NOA1: variants seen among roughly 807,000 people sequenced by gnomAD.
NOA1 encodes the protein nitric oxide-associated protein 1.
Under a neutral mutation model 58.4 loss-of-function variants are expected in NOA1, and 35 were observed. That is an observed-to-expected ratio of 0.60 (90% CI 0.46 to 0.79). The LOEUF (loss-of-function observed/expected upper bound fraction) is 0.79. Among genes scored for constraint, NOA1 ranks in the 30% least tolerant of loss-of-function variants. The probability of loss-of-function intolerance (pLI) is 0.00; values close to 1 mark genes in which losing one functional copy is unlikely to be tolerated. For synonymous variants in NOA1, 397 were observed against 373.4 expected, an observed-to-expected ratio of 1.06 and a Z score of -0.73; for missense variants, 895 against 894.6, an observed-to-expected ratio of 1.00 and a Z score of -0.01.
At chr4:56,974,755 C>A (rs1417618019) in intron 1 of NOA1, among the ~76,000 whole-genome samples, 1 of 151,966 alleles carries the variant, frequency 6.6e-6, no homozygotes, top group South Asian at 2.1e-4. Context: ...CTCTGTTGCC[C>A]AGGCTGGAGT....
intron 4 of NOA1, among the ~76,000 whole-genome samples, chr4:56,968,131 G>A (rs376038599): frequency 7.9e-5 from 12 of 151,948 alleles, no homozygotes; most frequent in South Asian, 2.1e-4. Context: ...TTGACCAGGC[G>A]GGTCTTGATC....
intron 4 of NOA1, among the ~76,000 whole-genome samples, chr4:56,967,097 G>A (rs1441741163): frequency 3.3e-5 from 5 of 152,044 alleles, no homozygotes; most frequent in Non-Finnish European, 7.4e-5. Context: ...ATATAAGGGT[G>A]CAAGCCTGGT....
intron 3 of NOA1, among the ~76,000 whole-genome samples, chr4:56,969,111 T>G (rs936308512): frequency 2.6e-5 from 4 of 152,242 alleles, no homozygotes; most frequent in African/African-American, 9.6e-5. Context: ...AATTTATCCC[T>G]ATGATTTATA....
Position 56,973,803 on chromosome 4 carries a change from T to C in NOA1, c.1309+55A>G. ...TCGGACAGCTGTATTTCAGGTTGCT[T>C]AACAAAGAATTTTAGCATAGTACCA... On this transcript the variant is annotated intron_variant, in intron 2 of 6. Coordinates refer to ENST00000264230, the MANE Select transcript of NOA1 (RefSeq NM_032313.4). The C allele has an allele frequency of 1.9e-6, 3 of 1,565,808 alleles. No homozygotes were observed. The South Asian group carries it at 3.5e-5, about 18-fold the overall frequency.
Position 56,963,467 on chromosome 4 carries a change from C to T in NOA1, c.2080G>A (p.Gly694Arg), listed in dbSNP as rs1485683694. 1.9e-6 allele frequency: 3 copies of T among 1,613,870 alleles called. No individual in the cohort carries two copies. Among genetic ancestry groups the T allele is most frequent in the Admixed American group, 1.7e-5 (1 of 59,996 alleles). Reference protein sequence around the residue: ...SLMYNVRKKKGKINV With the variant: ...SLMYNVRKKKRKINV ...GGTCGGTCTCATACATTTATCTTTC[C>T]TTTCTTCTTCCTCACGTTGTACATA... is the stretch of plus-strand genomic sequence containing the variant. The change falls in exon 7 of 7, where the codon GGA becomes AGA. Residue 694 changes from glycine (G) to arginine (R), a missense_variant. By Grantham distance (125) the Gly-to-Arg change is moderately radical. Coordinates refer to ENST00000264230, the MANE Select transcript of NOA1 (RefSeq NM_032313.4).
intron 1 of NOA1, among the ~76,000 whole-genome samples, chr4:56,975,618 C>T (rs971496788): frequency 6.6e-6 from 1 of 152,068 alleles, no homozygotes; most frequent in African/African-American, 2.4e-5. Flanking sequence ...TGGCTCACAC[C>T]TGTAATCCCA....
intron 3 of NOA1, among the ~76,000 whole-genome samples, chr4:56,969,570 T>G (rs1255863635): frequency 6.6e-6 from 1 of 151,806 alleles, no homozygotes; most frequent in Non-Finnish European, 1.5e-5. Flanking sequence ...AGACTCCGTC[T>G]CAAAGGAAAA....
intron 5 of NOA1, among the ~76,000 whole-genome samples, chr4:56,966,146 C>G (rs566567610): frequency 6.6e-6 from 1 of 151,384 alleles, no homozygotes; most frequent in South Asian, 2.1e-4. Context: ...CCTGCCTCAG[C>G]CTTCTGAGTG....
At chr4:56,975,048 G>A (rs1721879142) in intron 1 of NOA1, among the ~76,000 whole-genome samples, 1 of 150,456 alleles carries the variant, frequency 6.6e-6, no homozygotes, top group African/African-American at 2.4e-5. Flanking sequence ...TGTTTTTTTG[G>A]GTCTCTGTTG....
chr4:56,964,072 G>GT lies in NOA1; in HGVS notation c.1885+333dup, dbSNP rs983100761. ...GGTAAGGCTGCTTTATTCACTTTTT[G>GT]TTTTTTTTTTTTGAGATGGAGTTTG... On this transcript the variant is annotated intron_variant, in intron 6 of 6. Coordinates refer to ENST00000264230, the MANE Select transcript of NOA1 (RefSeq NM_032313.4). Among the ~76,000 whole-genome samples the GT allele has an allele frequency of 2.1e-3, 298 of 141,702 alleles. 3 individuals are homozygous for GT. The highest frequency in any genetic ancestry group is 0.017 in the East Asian group (83 of 4,878). The allele number at this position is 141,702 out of a possible 152,430, so 93.0% of individuals were successfully genotyped here.
chr4:56,971,345 T>C (rs1304929586), intron 3 of NOA1, among the ~76,000 whole-genome samples: 2 of 122,786 alleles, frequency 1.6e-5, no homozygotes, highest in South Asian at 5.2e-4. Flanking sequence ...AAAAAAAGTA[T>C]GGTGGGGGAA....
intron 5 of NOA1, among the ~76,000 whole-genome samples, chr4:56,966,206 T>C (rs568770284): frequency 1.3e-5 from 2 of 152,140 alleles, no homozygotes; most frequent in South Asian, 4.2e-4. Context: ...TTTGTATTTT[T>C]AGTAGAGATG....
chr4:56,973,958 C>T lies in NOA1; in HGVS notation c.1209G>A (p.Arg403=). 6.2e-7 allele frequency: 1 copy of T among 1,613,820 alleles called. No individual in the cohort carries two copies. The highest frequency in any genetic ancestry group is 8.5e-7 in the Non-Finnish European group (1 of 1,179,846). Reference sequence around the variant, plus strand: ...TTGAATCTTTTTTAAGTCTTTGATGCCTTTTAAACATTCTGTAAGGAGTTG... The same window carrying T: ...TTGAATCTTTTTTAAGTCTTTGATGTCTTTTAAACATTCTGTAAGGAGTTG... ...CNPTPYRMFK[R]HQRLKKDSTQ... Residue 403 remains arginine, a synonymous_variant, in exon 2 of 7, where the codon AGG becomes AGA. Transcript: ENST00000264230.
chr4:56,968,280 TG>T lies in NOA1; in HGVS notation c.1647+103del, dbSNP rs771360673. 4.4e-4 allele frequency: 528 copies of T among 1,205,270 alleles called. 2 individuals carry two copies. Among genetic ancestry groups the T allele is most frequent in the Admixed American group, 2.3e-3 (95 of 41,434 alleles). The allele number at this position is 1,205,270 out of a possible 1,614,324, so 74.7% of individuals were successfully genotyped here. ...AAACAAATTAAACCCAATACAATCA[TG>T]GCTTAGTTATCAACATTTTGTCAGT... On this transcript the variant is annotated intron_variant, in intron 4 of 6. Coordinates refer to ENST00000264230, the MANE Select transcript of NOA1 (RefSeq NM_032313.4).
intron 5 of NOA1, among the ~76,000 whole-genome samples, chr4:56,965,236 A>C (rs909328286): frequency 2.6e-5 from 4 of 151,918 alleles, no homozygotes; most frequent in Non-Finnish European, 5.9e-5. Flanking sequence ...TCCTGACCTC[A>C]AGGTGATCTG....
intron 4 of NOA1, among the ~76,000 whole-genome samples, chr4:56,967,843 T>C (rs1284184365): frequency 2.0e-5 from 3 of 152,058 alleles, no homozygotes; most frequent in Non-Finnish European, 2.9e-5. Flanking sequence ...TGTAGGGTAC[T>C]CAATTGAAAA....
At position 56,963,642 on chromosome 4, in the gene NOA1, A is replaced by G; in HGVS notation, c.1905T>C (p.Pro635=). The G allele has an allele frequency of 6.2e-7, 1 of 1,614,180 alleles. No homozygotes were observed. The highest frequency in any genetic ancestry group is 8.5e-7 in the Non-Finnish European group (1 of 1,180,036). Residue 635 remains proline (P), a synonymous_variant, in exon 7 of 7, where the codon CCT becomes CCC. Coordinates refer to ENST00000264230, the MANE Select transcript of NOA1 (RefSeq NM_032313.4). ...FSSAGWVSVT[P]NFKDRLHLRG... is the part of the protein sequence containing the mutation. ...GGAGATGCAGTCTGTCCTTAAAATT[A>G]GGTGTTACTGAAACCCAACCTATGC...
intron 4 of NOA1, among the ~76,000 whole-genome samples, chr4:56,967,949 G>A (rs1265700693): frequency 1.4e-5 from 2 of 145,908 alleles, no homozygotes; most frequent in Non-Finnish European, 3.0e-5. Flanking sequence ...ATGGAGTCTC[G>A]CCCCATCACC....
intron 5 of NOA1, among the ~76,000 whole-genome samples, chr4:56,965,834 C>CTTTT (rs1203066922): frequency 1.1e-5 from 1 of 90,638 alleles, no homozygotes; most frequent in Non-Finnish European, 2.4e-5. Context: ...TTAAATTTTC[C>CTTTT]CTTTTTTTTT....
Sources: gnomAD v4.1 joint callset for allele counts (sites outside exome capture counted in the v4.1 genomes callset) on GRCh38, gnomAD v4.1.1 for gene constraint, MANE v1.5 for transcripts, NCBI Gene and HGNC (gene_info 2026-07-23, HGNC 2026-07-21) for gene names.